Variants in TRAF3 observed in about 807,000 individuals in gnomAD.
TRAF3 encodes TNF receptor-associated factor 3.
In TRAF3, 13 loss-of-function variants were observed where a neutral mutation model predicts 62.3. The ratio of observed to expected loss-of-function variants is 0.21; its 90% CI spans 0.14 to 0.33. The LOEUF is 0.33. Among genes scored for constraint, TRAF3 ranks in the 10% least tolerant of loss-of-function variants. TRAF3 has a pLI of 1.00. For synonymous variants in TRAF3, 269 were observed against 283.4 expected, an observed-to-expected ratio of 0.95 and a Z score of 0.51; for missense variants, 440 against 741.8, an observed-to-expected ratio of 0.59 and a Z score of 4.73.
intron 6 of TRAF3, among the ~76,000 whole-genome samples, chr14:102,881,753 T>G (rs951196724): frequency 6.6e-6 from 1 of 152,184 alleles, no homozygotes; most frequent in Non-Finnish European, 1.5e-5. Context: ...TAAATAAATA[T>G]ATAGCTATCA....
At chr14:102,895,256 T>C (rs1441723431) in intron 9 of TRAF3, 8 of 337,298 alleles carry the variant, frequency 2.4e-5, no homozygotes, top group Non-Finnish European at 4.7e-5. Flanking sequence ...GGAAAGCCTT[T>C]GCGGAGTAAA....
intron 2 of TRAF3, chr14:102,866,110 G>A (rs559355463): frequency 1.9e-4 from 29 of 152,334 alleles, no homozygotes; most frequent in African/African-American, 7.0e-4. Context: ...AAAAAAGAAT[G>A]AGTTCATGAC....
chr14:102,885,151 C>T (rs952025244), intron 6 of TRAF3, among the ~76,000 whole-genome samples: 24 of 152,148 alleles, frequency 1.6e-4, no homozygotes, highest in African/African-American at 3.1e-4. Context: ...AGAAACATGC[C>T]GAGGAAAGCA....
At chr14:102,782,215 G>A (rs911185329) in intron 1 of TRAF3, among the ~76,000 whole-genome samples, 6 of 151,832 alleles carry the variant, frequency 4.0e-5, no homozygotes, top group Admixed American at 3.9e-4. Flanking sequence ...GACTACAGGT[G>A]TGTAGTCCCA....
intron 6 of TRAF3, among the ~76,000 whole-genome samples, chr14:102,878,356 G>GT (rs1888837039): frequency 6.8e-6 from 1 of 147,532 alleles, no homozygotes; most frequent in Admixed American, 6.8e-5. Context: ...GGGTGAGTGT[G>GT]TGGGGGTAAG....
chr14:102,819,235 TC>T (rs1221349494), intron 1 of TRAF3, among the ~76,000 whole-genome samples: 1 of 152,064 alleles, frequency 6.6e-6, no homozygotes, highest in Non-Finnish European at 1.5e-5. Context: ...CTGTCCCTGT[TC>T]CTTGGGTAGC....
intron 1 of TRAF3, among the ~76,000 whole-genome samples, chr14:102,788,537 C>T (rs549640843): frequency 3.8e-4 from 58 of 152,218 alleles, no homozygotes; most frequent in African/African-American, 1.3e-3. Flanking sequence ...TGGTGTCTCA[C>T]GCCTGTAATC....
chr14:102,906,329 C>T lies in TRAF3; in HGVS notation c.*545C>T, dbSNP rs1374264420. 1 of 153,258 alleles carries T rather than the reference C, an allele frequency of 6.5e-6. No homozygotes were observed. The highest frequency in any genetic ancestry group is 1.5e-5 in the Non-Finnish European group (1 of 68,572). 9.5% of individuals were successfully genotyped at this position (153,258 alleles called of 1,614,324 possible). On this transcript the variant is annotated 3_prime_UTR_variant, in exon 12 of 12. Transcript: ENST00000392745. ...TTTTAATAATTTGTTTGTCAGAAGACCCTGAAGTATATACCTAGGTCTTTT... is the reference window on the plus strand; with the variant it reads ...TTTTAATAATTTGTTTGTCAGAAGATCCTGAAGTATATACCTAGGTCTTTT...
At chr14:102,836,768 CTT>C (rs1250177578) in intron 2 of TRAF3, among the ~76,000 whole-genome samples, 1 of 152,176 alleles carries the variant, frequency 6.6e-6, no homozygotes, top group Non-Finnish European at 1.5e-5. Flanking sequence ...TAACATGACT[CTT>C]ATCTAGCTAT....
At chr14:102,797,994 C>G (rs1431739177) in intron 1 of TRAF3, among the ~76,000 whole-genome samples, 1 of 152,152 alleles carries the variant, frequency 6.6e-6, no homozygotes, top group East Asian at 1.9e-4. Context: ...GCCTCGGCCT[C>G]TCAGAGTGCT....
chr14:102,824,666 A>G (rs1222446869), intron 1 of TRAF3, among the ~76,000 whole-genome samples: 1 of 152,226 alleles, frequency 6.6e-6, no homozygotes, highest in African/African-American at 2.4e-5. Context: ...ATGTTTCCAT[A>G]GTTTGCATCA....
In TRAF3 at chr14:102,908,298, G is replaced by A. The variant is rs578167452; in HGVS notation, c.*2514G>A. The A allele has an allele frequency of 6.6e-6, 1 of 152,556 alleles. No homozygotes were observed. The highest frequency in any genetic ancestry group is 1.9e-4 in the East Asian group (1 of 5,186). 9.5% of individuals were successfully genotyped at this position (152,556 alleles called of 1,614,324 possible). A position where few individuals can be genotyped will look rare whatever the true frequency, so the allele number is the denominator to read the frequency against. On this transcript the variant is annotated 3_prime_UTR_variant, in exon 12 of 12. Coordinates refer to ENST00000392745, the MANE Select transcript of TRAF3 (RefSeq NM_145725.3). Reference sequence around the variant, plus strand: ...TGGGATGGCCTATGTCACACACTTTGTCCTTGAACCTGAGTGATGGGGGTC... The same window carrying A: ...TGGGATGGCCTATGTCACACACTTTATCCTTGAACCTGAGTGATGGGGGTC...
At chr14:102,788,388 A>G (rs1897611271) in intron 1 of TRAF3, among the ~76,000 whole-genome samples, 1 of 152,086 alleles carries the variant, frequency 6.6e-6, no homozygotes, top group Admixed American at 6.6e-5. Context: ...CAGGCCAGGC[A>G]TGGTAGCCCG....
At chr14:102,803,287 C>T (rs1898556291) in intron 1 of TRAF3, among the ~76,000 whole-genome samples, 1 of 152,116 alleles carries the variant, frequency 6.6e-6, no homozygotes, top group African/African-American at 2.4e-5. Flanking sequence ...AATGTCAGCC[C>T]TCAGCTTCTT....
chr14:102,824,281 C>A (rs1883391810), intron 1 of TRAF3, among the ~76,000 whole-genome samples: 1 of 152,314 alleles, frequency 6.6e-6, no homozygotes, highest in African/African-American at 2.4e-5. Flanking sequence ...CCTCTGTTGC[C>A]TAGAGAAACA....
intron 1 of TRAF3, among the ~76,000 whole-genome samples, chr14:102,787,893 C>G (rs1004145682): frequency 6.7e-5 from 10 of 150,148 alleles, no homozygotes; most frequent in Admixed American, 6.7e-4. Context: ...TCCCAGTCAC[C>G]CAGGCTGGAG....
intron 2 of TRAF3, among the ~76,000 whole-genome samples, chr14:102,846,628 T>G (rs72704712): frequency 0.16 from 19,620 of 119,576 alleles, 1,857 homozygotes; most frequent in East Asian, 0.3. Flanking sequence ...CACAGGGAGA[T>G]CCAGCTTCTT....
At chr14:102,877,211 G>C (rs1462494890) in intron 6 of TRAF3, among the ~76,000 whole-genome samples, 2 of 147,472 alleles carry the variant, frequency 1.4e-5, no homozygotes, top group Admixed American at 1.3e-4. Context: ...TCAGCTCATA[G>C]ATAATCCGTT....
chr14:102,812,259 A>G, intron 1 of TRAF3, among the ~76,000 whole-genome samples: 1 of 151,976 alleles, frequency 6.6e-6, no homozygotes, highest in East Asian at 1.9e-4. Context: ...TGTGGTGTTT[A>G]ACTTTCTGTT....
Sources: allele counts gnomAD v4.1 joint callset (sites outside exome capture counted in the v4.1 genomes callset), GRCh38; gene constraint gnomAD v4.1.1; transcripts MANE v1.5; gene names NCBI Gene and HGNC (gene_info 2026-07-23, HGNC 2026-07-21).